Variants in EDA observed in about 807,000 individuals in gnomAD.
EDA encodes ectodysplasin-A.
EDA carries 2 observed loss-of-function variants against 23.6 expected under a neutral mutation model. That is an observed-to-expected ratio of 0.08 (90% CI 0.03 to 0.27). The LOEUF (loss-of-function observed/expected upper bound fraction) is 0.27, where lower values mean the gene tolerates loss of function less well. EDA is among the 10% of genes least tolerant of loss of function. The probability of loss-of-function intolerance (pLI) is 1.00; values close to 1 mark genes in which losing one functional copy is unlikely to be tolerated. For missense variants in EDA, 229 were observed against 324.2 expected, an observed-to-expected ratio of 0.71 and a Z score of 2.26; for synonymous variants, 131 against 132.0, an observed-to-expected ratio of 0.99 and a Z score of 0.05.
intron 1 of EDA, among the ~76,000 whole-genome samples, chrX:69,905,449 G>A (rs73226440): frequency 0.21 from 22,721 of 108,962 alleles, 1,800 homozygotes; most frequent in African/African-American, 0.25. Flanking sequence ...TTTTAATGCC[G>A]AAAACCCAGA....
intron 2 of EDA, among the ~76,000 whole-genome samples, chrX:70,002,971 C>G (rs2147478841): frequency 8.9e-6 from 1 of 112,393 alleles, no homozygotes; most frequent in South Asian, 3.7e-4. Flanking sequence ...TGCCAGCCAT[C>G]TGCTGGAACA....
intron 1 of EDA, among the ~76,000 whole-genome samples, chrX:69,920,312 A>T (rs1281788288): frequency 9.0e-6 from 1 of 111,230 alleles, no homozygotes; most frequent in African/African-American, 3.3e-5. Context: ...TGCCCCTATT[A>T]CATTAGTATG....
chrX:69,909,228 G>A (rs2018222204), intron 1 of EDA, among the ~76,000 whole-genome samples: 1 of 111,564 alleles, frequency 9.0e-6, no homozygotes, highest in African/African-American at 3.3e-5. Flanking sequence ...CACCTGTAGT[G>A]ATAATCAGAG....
Position 69,616,699 on chromosome X carries a change from C to A in EDA, c.391C>A (p.His131Asn), listed in dbSNP as rs1451181150. The A allele has an allele frequency of 8.3e-7, 1 of 1,211,869 alleles. No homozygotes were observed. Among genetic ancestry groups the A allele is most frequent in the East Asian group, 3.0e-5 (1 of 33,777 alleles). The part of the protein sequence containing the change: ...AALHSDSQDG[H>N]QMALLNFFFP... ...ACTCCACTCTGACTCCCAGGACGGG[C>A]ACCAGGTGAGTCACCTAGTAGGGGC... The change falls in exon 1 of 8, where the codon CAC (histidine) becomes AAC (asparagine). Residue 131 changes from histidine to asparagine, a missense_variant. This residue lies in a region of EDA where 175 missense variants were observed against 281.8 expected (regional missense o/e 0.62). Transcript: ENST00000374552.
chrX:69,705,270 A>G (rs2011673620), intron 1 of EDA, among the ~76,000 whole-genome samples: 1 of 110,172 alleles, frequency 9.1e-6, no homozygotes, highest in Non-Finnish European at 1.9e-5. Context: ...ACAGCAAAAT[A>G]CAGAGGCTTT....
intron 1 of EDA, among the ~76,000 whole-genome samples, chrX:69,623,449 GC>G (rs1285947496): frequency 1.8e-5 from 2 of 111,217 alleles, no homozygotes; most frequent in Admixed American, 1.9e-4. Context: ...CAAGGGCTCT[GC>G]CCTCATTATT....
chrX:69,857,946 C>T (rs1364251026), intron 1 of EDA, among the ~76,000 whole-genome samples: 1 of 111,991 alleles, frequency 8.9e-6, no homozygotes, highest in African/African-American at 3.2e-5. Flanking sequence ...AGATCTTTCA[C>T]CTCCTTGGTT....
At chrX:69,743,030 A>C (rs1322851460) in intron 1 of EDA, 1 of 110,275 alleles carries the variant, frequency 9.1e-6, no homozygotes, top group Non-Finnish European at 1.9e-5. Context: ...TGAGATTTGA[A>C]TTCTGGCTCC....
intron 7 of EDA, among the ~76,000 whole-genome samples, chrX:70,034,780 A>G (rs984664863): frequency 3.6e-5 from 4 of 111,443 alleles, no homozygotes; most frequent in Non-Finnish European, 7.5e-5. Flanking sequence ...TGTTTCCTCA[A>G]TCATCAGATG....
intron 1 of EDA, among the ~76,000 whole-genome samples, chrX:69,635,411 A>T (rs1488165009): frequency 9.1e-6 from 1 of 110,254 alleles, no homozygotes; most frequent in Non-Finnish European, 1.9e-5. Flanking sequence ...TTTATCCTAA[A>T]CTGCATTTAT....
chrX:69,883,227 G>T (rs1029565366), intron 1 of EDA, among the ~76,000 whole-genome samples: 3 of 111,773 alleles, frequency 2.7e-5, no homozygotes. Flanking sequence ...TGTCTTTCAA[G>T]CCCAATGCCT....
intron 1 of EDA, among the ~76,000 whole-genome samples, chrX:69,741,232 T>C (rs903313896): frequency 2.7e-5 from 3 of 111,461 alleles, no homozygotes; most frequent in Non-Finnish European, 3.8e-5. Flanking sequence ...TAAAAAGCTG[T>C]GTGTGAGTCA....
At chrX:69,679,858 G>T (rs1186891442) in intron 1 of EDA, among the ~76,000 whole-genome samples, 1 of 107,659 alleles carries the variant, frequency 9.3e-6, no homozygotes, top group Non-Finnish European at 1.9e-5. Context: ...CTTGCCTTCT[G>T]CTAGCTTTTG....
intron 1 of EDA, among the ~76,000 whole-genome samples, chrX:69,910,425 G>GTGTT (rs2018248943): frequency 1.1e-5 from 1 of 94,948 alleles, no homozygotes; most frequent in East Asian, 3.2e-4. Flanking sequence ...GTGTGTGTGT[G>GTGTT]TTTCAGTCTT....
intron 2 of EDA, among the ~76,000 whole-genome samples, chrX:69,966,140 T>C (rs1036713666): frequency 3.6e-5 from 4 of 112,352 alleles, no homozygotes; most frequent in Non-Finnish European, 7.5e-5. Context: ...ATTAACATCC[T>C]ATTATAATTA....
rs760974912 is a variant in EDA, at chrX:70,037,868, G to A, written c.*2259G>A. 8.9e-6 allele frequency: 1 copy of A among 111,933 alleles called. No individual in the cohort carries two copies. The highest frequency in any genetic ancestry group is 2.8e-4 in the East Asian group (1 of 3,552). 9.2% of individuals were successfully genotyped at this position (111,933 alleles called of 1,213,427 possible). On this transcript the variant is annotated 3_prime_UTR_variant, in exon 8 of 8. Coordinates refer to ENST00000374552, the MANE Select transcript of EDA (RefSeq NM_001399.5). ...TTCAGAAGAATCTTCCTGGCACAAT[G>A]TTGGAGCAGCAGGCCTCTGGGACCC...
chrX:69,821,913 A>G (rs775086906), intron 1 of EDA, among the ~76,000 whole-genome samples: 2 of 111,968 alleles, frequency 1.8e-5, no homozygotes, highest in Non-Finnish European at 3.8e-5. Context: ...CATCACTACC[A>G]TCCATCTCTA....
At chrX:69,671,224 A>G (rs1012586177) in intron 1 of EDA, among the ~76,000 whole-genome samples, 1 of 111,760 alleles carries the variant, frequency 8.9e-6, no homozygotes, top group African/African-American at 3.3e-5. Flanking sequence ...TCAGTAGTCT[A>G]GGCTACTGGA....
At chrX:69,771,159 C>A (rs868253415) in intron 1 of EDA, among the ~76,000 whole-genome samples, 4 of 96,122 alleles carry the variant, frequency 4.2e-5, no homozygotes, top group African/African-American at 1.4e-4. Flanking sequence ...CAGGTTCAAG[C>A]GATTCTCCTG....
Sources: allele counts gnomAD v4.1 joint callset (sites outside exome capture counted in the v4.1 genomes callset), GRCh38; gene constraint gnomAD v4.1.1; regional missense constraint gnomAD v4.1.1; transcripts MANE v1.5; gene names NCBI Gene and HGNC (gene_info 2026-07-23, HGNC 2026-07-21).